The following FILIP1L variants were observed in gnomAD, a reference collection of about 807,000 sequenced individuals.
FILIP1L encodes the protein filamin A-interacting protein 1-like.
A neutral mutation model predicts 96.6 loss-of-function variants in FILIP1L; 55 were observed. That is an observed-to-expected ratio of 0.57 (90% CI 0.46 to 0.71). The LOEUF (loss-of-function observed/expected upper bound fraction) is 0.71, where lower values mean the gene tolerates loss of function less well. FILIP1L is among the 30% of genes least tolerant of loss of function. The pLI is 0.00. For synonymous variants in FILIP1L, 467 were observed against 473.9 expected, an observed-to-expected ratio of 0.99 and a Z score of 0.19; for missense variants, 1,304 against 1,321.2, an observed-to-expected ratio of 0.99 and a Z score of 0.20.
At chr3:100,070,946 G>T (rs1192065514) in intron 1 of FILIP1L, among the ~76,000 whole-genome samples, 1 of 151,970 alleles carries the variant, frequency 6.6e-6, no homozygotes, top group Non-Finnish European at 1.5e-5. Context: ...TTTTCTTTGT[G>T]TATGATTTTC....
chr3:99,871,734 A>G (rs1408672606), intron 4 of FILIP1L, among the ~76,000 whole-genome samples: 4 of 152,198 alleles, frequency 2.6e-5, no homozygotes, highest in Non-Finnish European at 5.9e-5. Flanking sequence ...TCATTTGTCA[A>G]GTTAGTGGTT....
At chr3:99,994,449 A>G (rs544141757) in intron 1 of FILIP1L, among the ~76,000 whole-genome samples, 31 of 152,216 alleles carry the variant, frequency 2.0e-4, no homozygotes, top group Non-Finnish European at 4.1e-4. Context: ...TCATCAGCAA[A>G]TAGAAAATTC....
intron 1 of FILIP1L, among the ~76,000 whole-genome samples, chr3:100,059,200 A>G (rs2065516899): frequency 6.6e-6 from 1 of 152,242 alleles, no homozygotes; most frequent in Admixed American, 6.5e-5. Flanking sequence ...TAGATACTCT[A>G]GGTTGTTTCT....
intron 1 of FILIP1L, among the ~76,000 whole-genome samples, chr3:100,059,527 AAGAC>A (rs2065523494): frequency 6.6e-6 from 1 of 152,180 alleles, no homozygotes; most frequent in South Asian, 2.1e-4. Context: ...TGAGGAGATG[AAGAC>A]AAAGTTTCTA....
At chr3:99,863,891 A>G (rs1225716566) in intron 4 of FILIP1L, among the ~76,000 whole-genome samples, 1 of 152,204 alleles carries the variant, frequency 6.6e-6, no homozygotes, top group Non-Finnish European at 1.5e-5. Flanking sequence ...TAGCTTACAA[A>G]CACTGTTCCT....
At chr3:100,066,957 GTCT>G (rs1240807211) in intron 1 of FILIP1L, among the ~76,000 whole-genome samples, 2 of 152,014 alleles carry the variant, frequency 1.3e-5, no homozygotes, top group African/African-American at 4.8e-5. Context: ...AAGAATATTT[GTCT>G]TCTTTAGAAG....
chr3:99,931,591 G>A (rs1707485283), intron 1 of FILIP1L, among the ~76,000 whole-genome samples: 1 of 152,166 alleles, frequency 6.6e-6, no homozygotes, highest in Admixed American at 6.6e-5. Flanking sequence ...TGAAGGCCAA[G>A]TCTAGTATTA....
intron 1 of FILIP1L, among the ~76,000 whole-genome samples, chr3:100,074,913 C>T (rs111501591): frequency 0.32 from 47,773 of 151,380 alleles, 9,319 homozygotes; most frequent in East Asian, 0.49. Context: ...AGGCTGGTCT[C>T]GAACTCCTGA....
At chr3:100,038,157 T>C (rs1353049104) in intron 1 of FILIP1L, among the ~76,000 whole-genome samples, 3 of 152,134 alleles carry the variant, frequency 2.0e-5, no homozygotes, top group African/African-American at 7.2e-5. Flanking sequence ...AGTTTCACCA[T>C]ACTGGCCAGG....
Position 99,912,445 on chromosome 3 carries a change from C to T in FILIP1L, c.605+11785G>A, listed in dbSNP as rs1049011646. Among the ~76,000 whole-genome samples the T allele has an allele frequency of 2.0e-5, 3 of 152,254 alleles. No individual in the cohort carries two copies. The South Asian group carries it at 6.2e-4, about 32-fold the overall frequency. ...AGGCTGGAGTATAATGGCGTGATCT[C>T]GGCTTACTGCAGCCTTGACCTCCCT... On this transcript the variant is annotated intron_variant, in intron 4 of 5. Transcript: ENST00000477258.
At chr3:99,840,500 G>A (rs532871269) in intron 5 of FILIP1L, among the ~76,000 whole-genome samples, 1 of 152,228 alleles carries the variant, frequency 6.6e-6, no homozygotes, top group Admixed American at 6.5e-5. Flanking sequence ...GGGATTACAG[G>A]CATGAGCTAC....
intron 1 of FILIP1L, among the ~76,000 whole-genome samples, chr3:99,998,143 C>A (rs1709736538): frequency 6.6e-6 from 1 of 152,218 alleles, no homozygotes; most frequent in Non-Finnish European, 1.5e-5. Flanking sequence ...AGTTTCTAAT[C>A]TCAGCAAGAT....
At chr3:99,874,076 G>A (rs1352065218) in intron 4 of FILIP1L, among the ~76,000 whole-genome samples, 1 of 152,166 alleles carries the variant, frequency 6.6e-6, no homozygotes, top group Non-Finnish European at 1.5e-5. Context: ...GAGGTCTTAT[G>A]TGATTGTTCT....
At position 99,853,670 on chromosome 3, in the gene FILIP1L, A is replaced by G. The variant is rs139853178; in HGVS notation, c.606-2600T>C. Reference sequence around the variant, plus strand: ...AGCATCTTTTTCATGGTTTTTGTAAATTAGTTGGCATCCCCATCTGTTCCC... The same window carrying G: ...AGCATCTTTTTCATGGTTTTTGTAAGTTAGTTGGCATCCCCATCTGTTCCC... On this transcript the variant is annotated intron_variant, in intron 4 of 5. Transcript: ENST00000477258. Among the ~76,000 whole-genome samples the G allele has an allele frequency of 1.1e-3, 162 of 152,262 alleles. 1 individual carries two copies. Among genetic ancestry groups the G allele is most frequent in the East Asian group, 6.8e-3 (35 of 5,184 alleles).
chr3:99,890,717 A>G (rs190956089), intron 4 of FILIP1L, among the ~76,000 whole-genome samples: 51 of 149,964 alleles, frequency 3.4e-4, no homozygotes, highest in African/African-American at 1.2e-3. Flanking sequence ...AACTAGAAAT[A>G]CCAATCCGCT....
chr3:100,035,108 T>G (rs868143917), intron 1 of FILIP1L, among the ~76,000 whole-genome samples: 9 of 152,186 alleles, frequency 5.9e-5, no homozygotes, highest in African/African-American at 2.2e-4. Flanking sequence ...TATTCGAAAT[T>G]GTTATCCAAA....
chr3:100,096,752 T>C (rs1350094722), intron 1 of FILIP1L, among the ~76,000 whole-genome samples: 1 of 152,042 alleles, frequency 6.6e-6, no homozygotes, highest in Non-Finnish European at 1.5e-5. Context: ...CATTTTAAAA[T>C]AACTGAAAGA....
chr3:100,006,145 A>C (rs1024005399), intron 1 of FILIP1L, among the ~76,000 whole-genome samples: 9 of 152,172 alleles, frequency 5.9e-5, no homozygotes, highest in African/African-American at 2.2e-4. Flanking sequence ...TGTGGGATGC[A>C]GGTAGGTATA....
chr3:99,927,014 A>G (rs1707314082), intron 3 of FILIP1L, among the ~76,000 whole-genome samples: 1 of 152,160 alleles, frequency 6.6e-6, no homozygotes, highest in Non-Finnish European at 1.5e-5. Flanking sequence ...GCCCTTCACC[A>G]TCTGAACCTC....
Sources: gnomAD v4.1 joint callset for allele counts (sites outside exome capture counted in the v4.1 genomes callset) on GRCh38, gnomAD v4.1.1 for gene constraint, MANE v1.5 for transcripts, NCBI Gene and HGNC (gene_info 2026-07-23, HGNC 2026-07-21) for gene names.